Variants in MTSS1 observed in about 807,000 individuals in gnomAD.
The protein encoded by MTSS1 is protein MTSS 1.
MTSS1 carries 18 observed loss-of-function variants against 79.0 expected under a neutral mutation model. The observed-to-expected ratio is 0.23, with a 90% confidence interval of 0.16 to 0.34. The LOEUF is 0.34. MTSS1 is among the 10% of genes least tolerant of loss of function. The pLI is 1.00. For synonymous variants in MTSS1, 341 were observed against 368.6 expected, an observed-to-expected ratio of 0.93 and a Z score of 0.86; for missense variants, 815 against 986.2, an observed-to-expected ratio of 0.83 and a Z score of 2.33.
At chr8:124,670,371 G>GGCACCCCACACAGCCT (rs1823903666) in intron 3 of MTSS1, among the ~76,000 whole-genome samples, 3 of 137,502 alleles carry the variant, frequency 2.2e-5, no homozygotes, top group African/African-American at 7.9e-5. Flanking sequence ...ACACTCAGGC[G>GGCACCCCACACAGCCT]GGCGGCACCC....
intron 3 of MTSS1, among the ~76,000 whole-genome samples, chr8:124,610,243 C>T (rs936216808): frequency 6.6e-6 from 1 of 152,104 alleles, no homozygotes; most frequent in African/African-American, 2.4e-5. Context: ...CGAATCAAGT[C>T]GTTTTATTTT....
chr8:124,586,510 T>C (rs544279061), intron 5 of MTSS1, among the ~76,000 whole-genome samples: 2 of 152,312 alleles, frequency 1.3e-5, no homozygotes, highest in African/African-American at 4.8e-5. Flanking sequence ...TCCTGTGCTC[T>C]GCCCTACAGT....
rs35782850 is a variant in MTSS1, at chr8:124,689,746, CAA to C, written c.208+9778_208+9779del. On this transcript the variant is annotated intron_variant, in intron 3 of 13. Transcript: ENST00000518547. ...GGGCAACGAGAGTGAAACTCCATCTCAAAAAAAAAAAAAAAAAAAAATTCTTC... is the reference window on the plus strand; with the variant it reads ...GGGCAACGAGAGTGAAACTCCATCTCAAAAAAAAAAAAAAAAAAATTCTTC... Among the ~76,000 whole-genome samples the C allele has an allele frequency of 6.8e-3, 638 of 94,284 alleles. 4 individuals carry two copies. The highest frequency in any genetic ancestry group is 0.015 in the Middle Eastern group (3 of 200). The allele number at this position is 94,284 out of a possible 152,430, so 61.9% of individuals were successfully genotyped here. A position where few individuals can be genotyped will look rare whatever the true frequency, so the allele number is the denominator to read the frequency against.
intron 3 of MTSS1, among the ~76,000 whole-genome samples, chr8:124,635,317 C>G (rs1315577926): frequency 1.3e-5 from 2 of 152,208 alleles, no homozygotes; most frequent in Non-Finnish European, 2.9e-5. Context: ...AGAATAAACT[C>G]TTAAAGTCAG....
chr8:124,640,951 C>T (rs569587269), intron 3 of MTSS1, among the ~76,000 whole-genome samples: 1 of 152,070 alleles, frequency 6.6e-6, no homozygotes, highest in South Asian at 2.1e-4. Flanking sequence ...CAACTCTTTC[C>T]AAAACACATA....
At chr8:124,566,845 G>A (rs533764048) in intron 8 of MTSS1, among the ~76,000 whole-genome samples, 10 of 152,300 alleles carry the variant, frequency 6.6e-5, no homozygotes, top group Admixed American at 3.3e-4. Context: ...GCATAATCAT[G>A]AAGATGAATG....
At chr8:124,715,194 C>T (rs1044174955) in intron 1 of MTSS1, among the ~76,000 whole-genome samples, 1 of 152,234 alleles carries the variant, frequency 6.6e-6, no homozygotes, top group Non-Finnish European at 1.5e-5. Context: ...ATTAGTTCCT[C>T]TTGGGGCCAA....
intron 12 of MTSS1, 36 bp from the exon 13 acceptor site, chr8:124,555,940 TA>T (rs141339886): frequency 0.14 from 219,493 of 1,579,396 alleles, 15,833 homozygotes; most frequent in Middle Eastern, 0.17. Context: ...CAGGTTGCTT[TA>T]GGGGGGGGGC....
In MTSS1 at chr8:124,555,822, C is replaced by A. The variant is rs768790430; in HGVS notation, c.1487G>T (p.Arg496Leu). ...GCCGCTGGAGCACTGAAGCGAGTCC[C>A]GGCTGCTCCTCTGGGTGTCCAGCTG... is the stretch of plus-strand genomic sequence containing the variant. The part of the protein sequence containing the change: ...GLQLDTQRSS[R>L]DSLQCSSGYS... Residue 496 changes from arginine to leucine, a missense_variant, in exon 13 of 14, where the codon CGG (arginine) becomes CTG (leucine). By Grantham distance (102) the Arg-to-Leu change is moderately radical. This residue lies in a region of MTSS1 where 590 missense variants were observed against 620.8 expected (regional missense o/e 0.95). Transcript: ENST00000518547. The A allele has an allele frequency of 6.2e-7, 1 of 1,613,462 alleles. No individual in the cohort carries two copies. The highest frequency in any genetic ancestry group is 1.1e-5 in the South Asian group (1 of 90,940).
intron 8 of MTSS1, 34 bp from the exon 9 acceptor site, chr8:124,565,793 G>A (rs374723251): frequency 6.6e-7 from 1 of 1,525,264 alleles, no homozygotes; most frequent in Non-Finnish European, 9.1e-7. Context: ...TGAATGAGGT[G>A]CTGAGAGGGG....
chr8:124,586,707 C>T (rs935298563), intron 5 of MTSS1, among the ~76,000 whole-genome samples: 16 of 152,156 alleles, frequency 1.1e-4, no homozygotes, highest in Non-Finnish European at 1.9e-4. Flanking sequence ...GAGCTTTGTA[C>T]CCCACAACCT....
At chr8:124,564,519 G>C (rs190125891) in intron 9 of MTSS1, among the ~76,000 whole-genome samples, 1 of 152,080 alleles carries the variant, frequency 6.6e-6, no homozygotes, top group Non-Finnish European at 1.5e-5. Flanking sequence ...GTTGGGGACC[G>C]ACAGTAAAGC....
chr8:124,609,325 TG>T (rs1835372689), intron 3 of MTSS1, among the ~76,000 whole-genome samples: 1 of 152,052 alleles, frequency 6.6e-6, no homozygotes, highest in Non-Finnish European at 1.5e-5. Context: ...ACGAGTGAAA[TG>T]GCAACCCCGG....
intron 3 of MTSS1, among the ~76,000 whole-genome samples, chr8:124,690,134 G>A (rs1827701070): frequency 6.6e-6 from 1 of 152,128 alleles, no homozygotes; most frequent in Admixed American, 6.6e-5. Context: ...CTCCAAGCTT[G>A]GACCTTCCTC....
chr8:124,662,991 G>A (rs562015404), intron 3 of MTSS1, among the ~76,000 whole-genome samples: 11 of 152,280 alleles, frequency 7.2e-5, no homozygotes, highest in African/African-American at 2.6e-4. Context: ...AGGGGCAGCT[G>A]CTCTCCTTTA....
chr8:124,619,159 C>T lies in MTSS1; in HGVS notation c.209-27924G>A, dbSNP rs572939907. ...TTTGCAGGAAACAAGATCATCACAA[C>T]CTGCCAACACACGCACTTCAGGTGA... On this transcript the variant is annotated intron_variant, in intron 3 of 13. Transcript: ENST00000518547. 5.9e-5 allele frequency: 9 copies of T among 152,340 alleles called. No homozygotes were observed. In the South Asian group the frequency reaches 1.0e-3, roughly 18 times the overall value. 9.4% of individuals were successfully genotyped at this position (152,340 alleles called of 1,614,324 possible). A position where few individuals can be genotyped will look rare whatever the true frequency, so the allele number is the denominator to read the frequency against.
intron 1 of MTSS1, among the ~76,000 whole-genome samples, chr8:124,714,888 C>G (rs1011819368): frequency 6.6e-6 from 1 of 152,206 alleles, no homozygotes; most frequent in South Asian, 2.1e-4. Flanking sequence ...GCTGCTTTTA[C>G]CTAGCATTTG....
chr8:124,633,194 T>A (rs1171431562), intron 3 of MTSS1, among the ~76,000 whole-genome samples: 2 of 151,958 alleles, frequency 1.3e-5, no homozygotes, highest in East Asian at 3.9e-4. Context: ...AAAGATGGAT[T>A]TTGCCACAAC....
chr8:124,584,268 A>C lies in MTSS1; in HGVS notation c.460+819T>G, dbSNP rs549188195. On this transcript the variant is annotated intron_variant, in intron 6 of 13. Coordinates refer to ENST00000518547, the MANE Select transcript of MTSS1 (RefSeq NM_014751.6). Reference sequence around the variant, plus strand: ...TTGTCTCAAATTAATGGTAAACACCACCCACAGAGCAGCCTGACGGAAGAA... The same window carrying C: ...TTGTCTCAAATTAATGGTAAACACCCCCCACAGAGCAGCCTGACGGAAGAA... Among the ~76,000 whole-genome samples, 457 of 152,320 alleles carry C rather than the reference A, an allele frequency of 3.0e-3. 1 individual carries two copies. Among genetic ancestry groups the C allele is most frequent in the Non-Finnish European group, 3.6e-3 (243 of 68,026 alleles).
Sources: allele counts gnomAD v4.1 joint callset (sites outside exome capture counted in the v4.1 genomes callset), GRCh38; gene constraint gnomAD v4.1.1; regional missense constraint gnomAD v4.1.1; transcripts MANE v1.5; gene names NCBI Gene and HGNC (gene_info 2026-07-23, HGNC 2026-07-21).